Variants in TCF4 observed in about 807,000 individuals in gnomAD.
TCF4 encodes the protein SL3-3 enhancer factor 2.
A neutral mutation model predicts 82.1 loss-of-function variants in TCF4; 3 were observed. The ratio of observed to expected loss-of-function variants is 0.04; its 90% CI spans 0.02 to 0.09. TCF4 has a LOEUF of 0.09. Among genes scored for constraint, TCF4 ranks in the 10% least tolerant of loss-of-function variants. TCF4 has a pLI of 1.00. For missense variants in TCF4, 518 were observed against 852.7 expected (o/e 0.61, Z 4.89); for synonymous variants, 276 against 309.6 (o/e 0.89, Z 1.14).
intron 3 of TCF4, among the ~76,000 whole-genome samples, chr18:55,536,238 T>G (rs1173128035): frequency 6.6e-6 from 1 of 152,240 alleles, no homozygotes; most frequent in Admixed American, 6.5e-5. Flanking sequence ...TAACTATTAA[T>G]AAATCAATAT....
intron 3 of TCF4, among the ~76,000 whole-genome samples, chr18:55,514,614 T>G (rs962749664): frequency 3.3e-5 from 5 of 152,298 alleles, no homozygotes; most frequent in East Asian, 1.9e-4. Flanking sequence ...TTCTTAAACT[T>G]TGTTCTTACA....
chr18:55,271,328 GCTTATAGTTCTGCATC>G (rs766360552), intron 10 of TCF4, among the ~76,000 whole-genome samples: 25 of 152,082 alleles, frequency 1.6e-4, no homozygotes, highest in Admixed American at 1.3e-3. Context: ...AAGGAATAGA[GCTTATAGTTCTGCATC>G]CCACAACTTG....
chr18:55,253,298 T>TAAAC (rs2055807432), intron 15 of TCF4, among the ~76,000 whole-genome samples: 1 of 152,178 alleles, frequency 6.6e-6, no homozygotes, highest in Admixed American at 6.5e-5. Context: ...CATTTCCTTT[T>TAAAC]GGGACCATGC....
In TCF4 at chr18:55,575,092, T is replaced by C. The variant is rs570719140; in HGVS notation, c.145+10188A>G. 9.2e-5 allele frequency among the ~76,000 whole-genome samples: 14 copies of C among 152,252 alleles called. No individual in the cohort carries two copies. The South Asian group carries it at 2.1e-3, about 23-fold the overall frequency. Reference sequence around the variant, plus strand: ...TCCCTTACAAGTGGGACACTACAAATATACACCCCATATAAAAGAGAAATT... The same window carrying C: ...TCCCTTACAAGTGGGACACTACAAACATACACCCCATATAAAAGAGAAATT... On this transcript the variant is annotated intron_variant, in intron 3 of 19. Coordinates refer to ENST00000354452, the MANE Select transcript of TCF4 (RefSeq NM_001083962.2).
chr18:55,614,067 A>T (rs965951201), intron 2 of TCF4, among the ~76,000 whole-genome samples: 2 of 152,076 alleles, frequency 1.3e-5, no homozygotes, highest in African/African-American at 4.8e-5. Context: ...CTAATTTTTA[A>T]TTTTTTTGTA....
intron 3 of TCF4, among the ~76,000 whole-genome samples, chr18:55,490,029 A>T (rs1485088642): frequency 5.3e-5 from 8 of 152,228 alleles, no homozygotes; most frequent in South Asian, 2.1e-4. Flanking sequence ...ATGAAGAATT[A>T]GAAAGAACGG....
Position 55,632,021 on chromosome 18 carries a change from TTTG to T in TCF4, c.196-636_196-634del, listed in dbSNP as rs529883185. ...CTTTTTGCCCTGATTAACAGTTCTT[TTTG>T]TTGTTGTTGTTGTTTTTGTTTTGTT... On this transcript the variant is annotated intron_variant, in intron 1 of 20. Coordinates refer to the TCF4 transcript ENST00000398339. Among the ~76,000 whole-genome samples, 8 of 152,076 alleles carry T rather than the reference TTTG, an allele frequency of 5.3e-5. No individual in the cohort carries two copies. In the East Asian group the frequency reaches 9.6e-4, roughly 18 times the overall value.
intron 3 of TCF4, chr18:55,510,839 T>C: frequency 2.0e-6 from 2 of 1,021,722 alleles, no homozygotes; most frequent in Non-Finnish European, 2.4e-6. Context: ...GGCTGTGTGT[T>C]TATGAGCTAC....
chr18:55,250,649 C>T (rs1568446997), intron 15 of TCF4, among the ~76,000 whole-genome samples: 1 of 152,204 alleles, frequency 6.6e-6, no homozygotes, highest in Non-Finnish European at 1.5e-5. Context: ...CCTAAGACAA[C>T]ACATGCAGAG....
rs1263546313 is a variant in TCF4 at position 55,223,990 on chromosome 18, A to G, written c.*4045T>C. ...ATCTGACAATTTTTTTGTAATATTC[A>G]TGGTATAAAAGGATTGCTCCTGCGA... On this transcript the variant is annotated 3_prime_UTR_variant, in exon 20 of 20. Transcript: ENST00000354452. 1 of 151,914 alleles carries G rather than the reference A, an allele frequency of 6.6e-6. No homozygotes were observed. The highest frequency in any genetic ancestry group is 1.5e-5 in the Non-Finnish European group (1 of 67,948). 9.4% of individuals were successfully genotyped at this position (151,914 alleles called of 1,614,324 possible). A position where few individuals can be genotyped will look rare whatever the true frequency, so the allele number is the denominator to read the frequency against.
chr18:55,510,558 A>G (rs1395276511), intron 3 of TCF4: 1 of 1,470,192 alleles, frequency 6.8e-7, no homozygotes, highest in Admixed American at 2.2e-5. Flanking sequence ...CTTTTAAAAT[A>G]CAAGTTACAT....
At chr18:55,624,142 T>C (rs994430380) in intron 2 of TCF4, among the ~76,000 whole-genome samples, 9 of 152,136 alleles carry the variant, frequency 5.9e-5, no homozygotes, top group African/African-American at 2.2e-4. Context: ...AAAGGGGTTT[T>C]TATTTTTGTG....
At chr18:55,538,946 C>A (rs764695774) in intron 3 of TCF4, among the ~76,000 whole-genome samples, 3 of 151,852 alleles carry the variant, frequency 2.0e-5, no homozygotes, top group Non-Finnish European at 4.4e-5. Context: ...AATAATTGAT[C>A]TTAGAAATGA....
intron 11 of TCF4, chr18:55,269,093 A>AC (rs2059802144): frequency 6.6e-6 from 1 of 152,266 alleles, no homozygotes; most frequent in Non-Finnish European, 1.5e-5. Context: ...GGGAATACTG[A>AC]CTGGGGAACC....
chr18:55,343,338 A>C (rs2080435213), intron 8 of TCF4, among the ~76,000 whole-genome samples: 1 of 152,182 alleles, frequency 6.6e-6, no homozygotes, highest in Non-Finnish European at 1.5e-5. Flanking sequence ...CGGAATAATC[A>C]AAATAAATTT....
At position 55,279,611 on chromosome 18, in the gene TCF4, G is replaced by C; in HGVS notation, c.595C>G (p.Pro199Ala). Residue 199 changes from proline (P) to alanine (A), a missense_variant, in exon 9 of 20, where the codon CCA becomes GCA. By Grantham distance (27) the Pro-to-Ala change is conservative (BLOSUM62 -1). Around this residue, in one of 7 missense-constraint regions of TCF4, gnomAD observed 211 missense variants for 327.4 expected, o/e 0.64. Coordinates refer to ENST00000354452, the MANE Select transcript of TCF4 (RefSeq NM_001083962.2). The part of the protein sequence containing the change: ...ASTADYNRDS[P>A]GYPSSKPATS... The stretch of plus-strand genomic sequence containing the variant: ...GCTGGTTTGGAGGAAGGATAGCCTG[G>C]CGAGTCCCTATTGTAGTCGGCAGTG... 6 of 1,613,992 alleles carry C rather than the reference G, an allele frequency of 3.7e-6. No homozygotes were observed. The highest frequency in any genetic ancestry group is 5.1e-6 in the Non-Finnish European group (6 of 1,179,938).
At chr18:55,492,723 T>C (rs1216450446) in intron 3 of TCF4, among the ~76,000 whole-genome samples, 2 of 152,190 alleles carry the variant, frequency 1.3e-5, no homozygotes, top group Non-Finnish European at 2.9e-5. Flanking sequence ...TTATTTGCCC[T>C]GCACAGGATT....
At chr18:55,457,541 A>C (rs1196043812) in intron 5 of TCF4, among the ~76,000 whole-genome samples, 4 of 152,098 alleles carry the variant, frequency 2.6e-5, no homozygotes, top group Non-Finnish European at 4.4e-5. Flanking sequence ...GTTGGGGTGC[A>C]ATGGCATGAT....
intron 3 of TCF4, among the ~76,000 whole-genome samples, chr18:55,580,736 T>C (rs545109116): frequency 7.2e-6 from 1 of 138,358 alleles, no homozygotes; most frequent in East Asian, 2.1e-4. Context: ...AAAAATGAGC[T>C]GTCTGATGTG....
Sources: gnomAD v4.1 joint callset for allele counts (sites outside exome capture counted in the v4.1 genomes callset) on GRCh38, gnomAD v4.1.1 for gene constraint, gnomAD v4.1.1 regional missense constraint, MANE v1.5 for transcripts, NCBI Gene and HGNC (gene_info 2026-07-23, HGNC 2026-07-21) for gene names.